CABIN1: variants seen among roughly 807,000 people sequenced by gnomAD.
CABIN1 encodes the protein calcineurin binding protein 1, also known as calcineurin-binding protein cabin-1.
CABIN1 carries 133 observed loss-of-function variants against 227.7 expected under a neutral mutation model. The observed-to-expected ratio is 0.58, with a 90% confidence interval of 0.51 to 0.67. The LOEUF is 0.67. Ranked by LOEUF, CABIN1 falls within the 30% of genes least tolerant of loss-of-function variation. The probability of loss-of-function intolerance (pLI) is 0.00; values close to 1 mark genes in which losing one functional copy is unlikely to be tolerated. For missense variants in CABIN1, 2,408 were observed against 2,852.5 expected (o/e 0.84, Z 3.55); for synonymous variants, 1,086 against 1,155.1 (o/e 0.94, Z 1.21).
At chr22:24,090,913 T>A (rs1381151126) in intron 23 of CABIN1, among the ~76,000 whole-genome samples, 3 of 151,858 alleles carry the variant, frequency 2.0e-5, no homozygotes, top group Non-Finnish European at 2.9e-5. Flanking sequence ...GAATCAGGGG[T>A]CATGAATTTG....
chr22:24,105,239 C>T (rs2042445023), intron 26 of CABIN1, among the ~76,000 whole-genome samples: 1 of 152,212 alleles, frequency 6.6e-6, no homozygotes, highest in South Asian at 2.1e-4. Flanking sequence ...CTGCAAATCC[C>T]ACCCTGGAAG....
In CABIN1 at chr22:24,050,873, G is replaced by A. The variant is rs377592159; in HGVS notation, c.705G>A (p.Ala235=). 1.9e-5 allele frequency: 31 copies of A among 1,614,124 alleles called. No homozygotes were observed. Among genetic ancestry groups the A allele is most frequent in the South Asian group, 4.4e-5 (4 of 91,090 alleles). Residue 235 remains alanine (A), a synonymous_variant, in exon 8 of 37, where the codon GCG becomes GCA. Transcript: ENST00000263119. ...DVSVSAAETQ[A]IVDEALGLRK... is the part of the protein sequence containing the mutation. ...CGGTGAGTGCAGCTGAGACACAGGC[G>A]ATTGTAGATGAGGCCTTGGGGCTGC...
chr22:24,135,133 G>T (rs2044315272), intron 29 of CABIN1, among the ~76,000 whole-genome samples: 1 of 151,402 alleles, frequency 6.6e-6, no homozygotes, highest in African/African-American at 2.4e-5. Flanking sequence ...GCTCACGCCT[G>T]TAATCCCAGC....
chr22:24,158,765 C>T (rs988584303), intron 29 of CABIN1, among the ~76,000 whole-genome samples: 3 of 152,178 alleles, frequency 2.0e-5, no homozygotes. Flanking sequence ...TCTCTCCTGT[C>T]CCCTCACCCT....
intron 28 of CABIN1, among the ~76,000 whole-genome samples, chr22:24,126,259 C>T (rs2043716192): frequency 6.6e-6 from 1 of 152,124 alleles, no homozygotes; most frequent in Non-Finnish European, 1.5e-5. Context: ...ATAGTGTGGG[C>T]AGCTAGTGAT....
intron 19 of CABIN1, among the ~76,000 whole-genome samples, chr22:24,079,175 T>C (rs1232996815): frequency 2.0e-5 from 3 of 152,224 alleles, no homozygotes; most frequent in Non-Finnish European, 2.9e-5. Flanking sequence ...TAGTCGTTAT[T>C]ATTCATAACG....
chr22:24,134,518 G>A (rs961204802), intron 29 of CABIN1, 103 bp downstream of exon 29: 2 of 897,062 alleles, frequency 2.2e-6, no homozygotes, highest in African/African-American at 3.3e-5. Flanking sequence ...AGGGCCTCAA[G>A]TTTGCGGCAT....
Position 24,119,565 on chromosome 22 carries a change from G to A in CABIN1, c.4499G>A (p.Gly1500Asp), listed in dbSNP as rs1450570044. ...GCCTTCCCCCAGGGGCTGCCGGCTG[G>A]TGCTGAGGAGCAGCGGCAGTTTCTC... Reference protein sequence around the residue: ...PVAFPQGLPAGAEEQRQFLTE... With the variant: ...PVAFPQGLPADAEEQRQFLTE... The change falls in exon 28 of 37, where the codon GGT becomes GAT. Residue 1500 changes from glycine to aspartate, a missense_variant. By Grantham distance (94) the Gly-to-Asp change is moderately conservative. Transcript: ENST00000263119. 1.2e-6 allele frequency: 2 copies of A among 1,613,488 alleles called. No homozygotes were observed. Among genetic ancestry groups the A allele is most frequent in the African/African-American group, 2.7e-5 (2 of 74,934 alleles).
At chr22:24,075,665 A>G (rs1281191335) in intron 18 of CABIN1, among the ~76,000 whole-genome samples, 3 of 151,950 alleles carry the variant, frequency 2.0e-5, no homozygotes, top group African/African-American at 7.3e-5. Flanking sequence ...AGATTGTGTG[A>G]GTCCAGGAAT....
intron 26 of CABIN1, among the ~76,000 whole-genome samples, chr22:24,111,492 C>T (rs1438522450): frequency 2.0e-5 from 3 of 152,180 alleles, no homozygotes; most frequent in South Asian, 4.1e-4. Flanking sequence ...GTGCGCTCCT[C>T]GTGAGAATCT....
At chr22:24,063,223 G>T in intron 14 of CABIN1, 77 bp downstream of exon 14, 2 of 1,431,014 alleles carry the variant, frequency 1.4e-6, no homozygotes, top group South Asian at 1.2e-5. Flanking sequence ...CCATGTTGAG[G>T]GTGTGTGTGT....
intron 29 of CABIN1, among the ~76,000 whole-genome samples, chr22:24,137,362 TC>T (rs1436613477): frequency 1.3e-5 from 2 of 152,160 alleles, no homozygotes; most frequent in African/African-American, 4.8e-5. Context: ...CTGGGCTCAC[TC>T]CCTGCACCTC....
chr22:24,026,215 C>T (rs1465786932), intron 1 of CABIN1, among the ~76,000 whole-genome samples: 1 of 152,194 alleles, frequency 6.6e-6, no homozygotes, highest in Non-Finnish European at 1.5e-5. Flanking sequence ...CTCAAGCAAT[C>T]ATCCTGTGTT....
At chr22:24,095,648 C>A (rs2041846681) in intron 24 of CABIN1, among the ~76,000 whole-genome samples, 1 of 152,186 alleles carries the variant, frequency 6.6e-6, no homozygotes, top group South Asian at 2.1e-4. Context: ...GTGAACGGAG[C>A]TGAAGGGTTA....
intron 26 of CABIN1, among the ~76,000 whole-genome samples, chr22:24,111,714 T>C (rs184060122): frequency 2.0e-3 from 310 of 152,364 alleles, no homozygotes; most frequent in Non-Finnish European, 3.3e-3. Context: ...ATTCAAAATT[T>C]GAAGTGTAGT....
At chr22:24,113,000 G>T (rs1454788461) in intron 26 of CABIN1, among the ~76,000 whole-genome samples, 5 of 152,196 alleles carry the variant, frequency 3.3e-5, no homozygotes, top group African/African-American at 1.2e-4. Context: ...AAGGTCCGAA[G>T]AAGGCAGCCA....
At chr22:24,163,221 A>G (rs1372449946) in intron 29 of CABIN1, among the ~76,000 whole-genome samples, 2 of 152,158 alleles carry the variant, frequency 1.3e-5, no homozygotes, top group African/African-American at 4.8e-5. Flanking sequence ...AACAGGAGCC[A>G]GTGTAGAGGC....
intron 20 of CABIN1, 107 bp from the exon 21 acceptor site, chr22:24,084,472 A>T: frequency 1.1e-6 from 1 of 939,418 alleles, no homozygotes; most frequent in Non-Finnish European, 1.8e-6. Flanking sequence ...CCAATATGCC[A>T]TAACCTCATT....
At chr22:24,069,663 G>A (rs1348101203) in intron 16 of CABIN1, among the ~76,000 whole-genome samples, 1 of 152,118 alleles carries the variant, frequency 6.6e-6, no homozygotes, top group Non-Finnish European at 1.5e-5. Flanking sequence ...CACCCTGTAG[G>A]CACCCTCGCA....
Sources: gnomAD v4.1 joint callset for allele counts (sites outside exome capture counted in the v4.1 genomes callset) on GRCh38, gnomAD v4.1.1 for gene constraint, MANE v1.5 for transcripts, NCBI Gene and HGNC (gene_info 2026-07-23, HGNC 2026-07-21) for gene names.